TDRD12: variants seen among roughly 807,000 people sequenced by gnomAD.
TDRD12 encodes tudor domain containing 12.
In TDRD12, 158 loss-of-function variants were observed where a neutral mutation model predicts 133.5. That is an observed-to-expected ratio of 1.18 (90% confidence interval 1.04 to 1.35). TDRD12 has a LOEUF of 1.35. Among genes scored for constraint, TDRD12 ranks in the 40% most tolerant of loss-of-function variants. The probability of loss-of-function intolerance (pLI) is 0.00; values close to 1 mark genes in which losing one functional copy is unlikely to be tolerated. For synonymous variants in TDRD12, 460 were observed against 477.9 expected (o/e 0.96, Z 0.49); for missense variants, 1,443 against 1,321.3 (o/e 1.09, Z -1.43).
intron 4 of TDRD12, among the ~76,000 whole-genome samples, chr19:32,743,901 A>G (rs1384206495): frequency 6.6e-6 from 1 of 151,644 alleles, no homozygotes; most frequent in African/African-American, 2.4e-5. Context: ...GGTGGTAGGC[A>G]TCTGTAATCC....
intron 23 of TDRD12, among the ~76,000 whole-genome samples, 184 bp downstream of exon 23, chr19:32,810,461 C>T (rs1207353759): frequency 2.0e-5 from 3 of 152,202 alleles, no homozygotes; most frequent in African/African-American, 7.2e-5. Context: ...CTCCTGAGCC[C>T]AGTGACACCG....
intron 8 of TDRD12, among the ~76,000 whole-genome samples, chr19:32,768,384 TC>T (rs1235990560): frequency 7.0e-6 from 1 of 142,960 alleles, no homozygotes; most frequent in African/African-American, 2.7e-5. Context: ...TGGTCTTTAT[TC>T]TTTTTTTTTT....
chr19:32,825,102 G>A (rs1421719556), downstream of TDRD12, among the ~76,000 whole-genome samples: 1 of 152,160 alleles, frequency 6.6e-6, no homozygotes, highest in Non-Finnish European at 1.5e-5. This position sits in a 1 kb window ranked among gnomAD's most constrained non-coding sequence, Gnocchi z 4.1. Context: ...TCTCAGAAGG[G>A]CTTGGGGATT....
chr19:32,815,773 C>A (rs1349819757), intron 26 of TDRD12, among the ~76,000 whole-genome samples, 153 bp downstream of exon 26: 1 of 152,150 alleles, frequency 6.6e-6, no homozygotes, highest in Non-Finnish European at 1.5e-5. Flanking sequence ...AGGTGGGCGG[C>A]TCACGAGGTC....
chr19:32,768,869 T>C (rs1970368533), intron 8 of TDRD12, among the ~76,000 whole-genome samples: 1 of 152,188 alleles, frequency 6.6e-6, no homozygotes, highest in African/African-American at 2.4e-5. Flanking sequence ...TTCTCCTTTG[T>C]GAAATTCCTG....
At chr19:32,823,655 C>T (rs754332821), downstream of TDRD12, among the ~76,000 whole-genome samples, 3 of 152,054 alleles carry the variant, frequency 2.0e-5, no homozygotes, top group Non-Finnish European at 2.9e-5. Context: ...TTGGCCACAG[C>T]GGGGGGCAGC....
At chr19:32,738,379 T>C (rs1969289789) in intron 2 of TDRD12, among the ~76,000 whole-genome samples, 2 of 152,352 alleles carry the variant, frequency 1.3e-5, no homozygotes, top group South Asian at 2.1e-4. Context: ...GGTTTTCTTA[T>C]GGGCAGAGTG....
chr19:32,811,308 G>A (rs1966996993), exon 24 of TDRD12: 1 of 1,536,078 alleles, frequency 6.5e-7, no homozygotes, highest in African/African-American at 1.4e-5. Context: ...CTCGTCACAA[G>A]GGACCAGCTG....
chr19:32,805,294 G>T (rs930117240), intron 21 of TDRD12, among the ~76,000 whole-genome samples: 6 of 149,980 alleles, frequency 4.0e-5, no homozygotes, highest in Non-Finnish European at 7.4e-5. Flanking sequence ...TGGGTAGGGG[G>T]ATCGCTTGAG....
At chr19:32,809,248 A>ATT (rs1966916055) in intron 22 of TDRD12, among the ~76,000 whole-genome samples, 1 of 151,934 alleles carries the variant, frequency 6.6e-6, no homozygotes, top group African/African-American at 2.4e-5. Context: ...CAGTGTGGAG[A>ATT]TTTCACAGGG....
chr19:32,728,116 G>T (rs977348538), intron 1 of TDRD12, among the ~76,000 whole-genome samples: 1 of 152,058 alleles, frequency 6.6e-6, no homozygotes, highest in Admixed American at 6.6e-5. Flanking sequence ...CTACTCTGTT[G>T]GTCTATATGT....
At chr19:32,827,633 G>A (rs1342504559) in exon 10 of TDRD12, 1 of 153,270 alleles carries the variant, frequency 6.5e-6, no homozygotes, top group Non-Finnish European at 1.5e-5. Context: ...TCCCACCTCA[G>A]CCTCCCAAAG....
chr19:32,803,637 G>A (rs1021677463), intron 21 of TDRD12, among the ~76,000 whole-genome samples: 2 of 152,160 alleles, frequency 1.3e-5, no homozygotes, highest in African/African-American at 2.4e-5. Context: ...AGGGCAAGTG[G>A]CAGGTCATGG....
In TDRD12 at chr19:32,777,157, G is replaced by A. The variant is rs758434492; in HGVS notation, c.1049G>A (p.Ser350Asn). Reference sequence around the variant, plus strand: ...TTTTTTTTCATTTCTAGTGCTTTAAGTCAGAAGTCAAATGAGAAACCTCTT... The same window carrying A: ...TTTTTTTTCATTTCTAGTGCTTTAAATCAGAAGTCAAATGAGAAACCTCTT... Residue 350 changes from serine to asparagine, a missense_variant, in exon 11 of 28, where the codon AGT becomes AAT. By Grantham distance (46) the Ser-to-Asn change is conservative. Transcript: ENST00000444215. The A allele has an allele frequency of 2.5e-5, 39 of 1,539,134 alleles. 1 individual carries two copies. In the South Asian group the frequency reaches 4.7e-4, roughly 18 times the overall value.
chr19:32,810,401 T>C, intron 23 of TDRD12, 124 bp downstream of exon 23: 1 of 779,830 alleles, frequency 1.3e-6, no homozygotes, highest in South Asian at 2.4e-5. Context: ...GACAGCGGGG[T>C]GTCCCCCCAG....
chr19:32,756,593 T>C (rs1044122498), intron 7 of TDRD12, among the ~76,000 whole-genome samples: 2 of 152,248 alleles, frequency 1.3e-5, no homozygotes, highest in Admixed American at 1.3e-4. Context: ...TTTCACCATG[T>C]CAGCCAGGAT....
intron 11 of TDRD12, among the ~76,000 whole-genome samples, chr19:32,784,886 T>C (rs1482419859): frequency 6.6e-6 from 1 of 152,194 alleles, no homozygotes; most frequent in East Asian, 1.9e-4. Context: ...TCTTCTTTAT[T>C]AGTCTTGCTA....
At chr19:32,793,424 G>A (rs1389616980) in intron 13 of TDRD12, among the ~76,000 whole-genome samples, 1 of 152,150 alleles carries the variant, frequency 6.6e-6, no homozygotes, top group Admixed American at 6.5e-5. Flanking sequence ...AAAAGGTGAT[G>A]GTGAAGGATG....
intron 4 of TDRD12, among the ~76,000 whole-genome samples, chr19:32,745,982 C>CTGTGTGTGTG (rs1186338730): frequency 1.6e-5 from 1 of 63,806 alleles, no homozygotes; most frequent in African/African-American, 7.6e-5. Context: ...TGTGGTCATT[C>CTGTGTGTGTG]TGTGTGTGTG....
Sources: allele counts gnomAD v4.1 joint callset (sites outside exome capture counted in the v4.1 genomes callset), GRCh38; gene constraint gnomAD v4.1.1; non-coding constraint Gnocchi (gnomAD v3.1); transcripts MANE v1.5; gene names NCBI Gene and HGNC (gene_info 2026-07-23, HGNC 2026-07-21).